The following SLC4A7 variants were observed in gnomAD, a reference collection of about 807,000 sequenced individuals.
The protein encoded by SLC4A7 is solute carrier family 4 member 7.
SLC4A7 carries 51 observed loss-of-function variants against 137.6 expected under a neutral mutation model. The ratio of observed to expected loss-of-function variants is 0.37; its 90% CI spans 0.30 to 0.47. The LOEUF (loss-of-function observed/expected upper bound fraction) is 0.47. Among genes scored for constraint, SLC4A7 ranks in the 20% least tolerant of loss-of-function variants. The pLI, the probability that SLC4A7 is intolerant of heterozygous loss-of-function variation, is 1.00. For synonymous variants in SLC4A7, 542 were observed against 518.6 expected (o/e 1.05, Z -0.61); for missense variants, 1,247 against 1,525.4 (o/e 0.82, Z 3.04).
chr3:27,423,837 T>C (rs952033316), intron 8 of SLC4A7, 200 bp downstream of exon 8: 14 of 498,362 alleles, frequency 2.8e-5, no homozygotes, highest in Non-Finnish European at 4.9e-5. Context: ...TGTAAAGTTA[T>C]TCAAGTACTC....
At chr3:27,479,819 G>C (rs890568800) in intron 1 of SLC4A7, among the ~76,000 whole-genome samples, 8 of 152,154 alleles carry the variant, frequency 5.3e-5, no homozygotes, top group African/African-American at 1.9e-4. Context: ...CAAATCAAAA[G>C]CTATACTGAT....
At position 27,484,166 on chromosome 3, in the gene SLC4A7, C is replaced by G; in HGVS notation, c.-40G>C. On this transcript the variant is annotated 5_prime_UTR_variant, in exon 1 of 26. Transcript: ENST00000454389. ...CCCGTGACGGCCGCTACGGTACTGC[C>G]CCGCGCGGTCTGCCTGCTTCTGCCG... 1 of 1,269,390 alleles carries G rather than the reference C, an allele frequency of 7.9e-7. No homozygotes were observed. Among genetic ancestry groups the G allele is most frequent in the Non-Finnish European group, 9.9e-7 (1 of 1,006,900 alleles). 78.6% of individuals were successfully genotyped at this position (1,269,390 alleles called of 1,614,324 possible).
At chr3:27,450,619 T>C (rs11923299) in intron 2 of SLC4A7, among the ~76,000 whole-genome samples, 2,521 of 152,162 alleles carry the variant, frequency 0.017, 79 homozygotes, top group African/African-American at 0.058. Flanking sequence ...GAAGCCCCAA[T>C]GCACCAAGAT....
intron 1 of SLC4A7, among the ~76,000 whole-genome samples, chr3:27,471,029 T>G (rs1415161965): frequency 6.6e-6 from 1 of 152,166 alleles, no homozygotes; most frequent in Non-Finnish European, 1.5e-5. Flanking sequence ...ATAACATACC[T>G]CTTCACTTGA....
At position 27,401,418 on chromosome 3, in the gene SLC4A7, G is replaced by T. The variant is rs576893376; in HGVS notation, c.2322-549C>A. ...GAAATCAGAGTTCAGTTCATATCCA[G>T]AACTATTTCAACTACCTAAAGCTAG... On this transcript the variant is annotated intron_variant, in intron 15 of 25. Transcript: ENST00000454389. 1.1e-4 allele frequency among the ~76,000 whole-genome samples: 16 copies of T among 152,274 alleles called. No individual in the cohort carries two copies. In the South Asian group the frequency reaches 3.3e-3, roughly 32 times the overall value.
chr3:27,479,314 T>C (rs1345553378), intron 1 of SLC4A7, among the ~76,000 whole-genome samples: 1 of 151,842 alleles, frequency 6.6e-6, no homozygotes, highest in African/African-American at 2.4e-5. Flanking sequence ...CTCAGGAGGC[T>C]GAGGTGGGAG....
chr3:27,462,083 A>AT (rs11450054), intron 1 of SLC4A7, among the ~76,000 whole-genome samples: 33,449 of 152,036 alleles, frequency 0.22, 3,768 homozygotes, highest in Non-Finnish European at 0.25. Context: ...AGCAAAACAA[A>AT]TTTTTTAATG....
intron 18 of SLC4A7, among the ~76,000 whole-genome samples, chr3:27,397,062 C>T (rs1281935546): frequency 2.0e-5 from 3 of 151,978 alleles, no homozygotes; most frequent in African/African-American, 7.2e-5. Flanking sequence ...GAGTTCCCCT[C>T]TTATTGCCCA....
At position 27,431,436 on chromosome 3, in the gene SLC4A7, G is replaced by T; in HGVS notation, c.1012C>A (p.Arg338Ser). The change falls in exon 7 of 26, where the codon CGT (arginine) becomes AGT (serine). Residue 338 changes from arginine to serine, a missense_variant. By Grantham distance (110) the Arg-to-Ser change is moderately radical (BLOSUM62 -1). Transcript: ENST00000454389. ...GAAACCAGTAGTTCTGGGGCCTGAC[G>T]CTGACTCTCTTGGGAACTTCTGGAG... Reference protein sequence around the residue: ...LTSRSSQESQRQAPELLVSPA... With the variant: ...LTSRSSQESQSQAPELLVSPA... 1 of 1,614,066 alleles carries T rather than the reference G, an allele frequency of 6.2e-7. No individual in the cohort carries two copies.
chr3:27,390,629 A>G (rs893317595), intron 21 of SLC4A7, among the ~76,000 whole-genome samples: 3 of 152,316 alleles, frequency 2.0e-5, no homozygotes, highest in African/African-American at 7.2e-5. Context: ...TCATCTCACA[A>G]AACTCTTAAA....
At chr3:27,387,174 T>C (rs1028303693) in intron 22 of SLC4A7, among the ~76,000 whole-genome samples, 16 of 152,204 alleles carry the variant, frequency 1.1e-4, no homozygotes, top group African/African-American at 3.9e-4. Flanking sequence ...GTGAAGTAGA[T>C]GGCAAAGCAA....
chr3:27,481,222 G>C (rs553008329), intron 1 of SLC4A7, among the ~76,000 whole-genome samples: 1 of 151,644 alleles, frequency 6.6e-6, no homozygotes, highest in African/African-American at 2.4e-5. Flanking sequence ...CAATTATGAG[G>C]CTTTATAGCA....
intron 1 of SLC4A7, among the ~76,000 whole-genome samples, chr3:27,482,727 G>A (rs1378194933): frequency 6.6e-6 from 1 of 152,006 alleles, no homozygotes; most frequent in Non-Finnish European, 1.5e-5. Flanking sequence ...AGCCGAGATC[G>A]CACCACTGCA....
chr3:27,444,522 T>G (rs895633475), intron 3 of SLC4A7, among the ~76,000 whole-genome samples: 5 of 152,210 alleles, frequency 3.3e-5, no homozygotes, highest in Non-Finnish European at 7.3e-5. Context: ...GTGTTTCATT[T>G]TGGATAGTTA....
In SLC4A7 at chr3:27,373,602, T is replaced by C. The variant is rs915497002; in HGVS notation, c.*3162A>G. ...CATGTTAAACTGCTGAGCACATTTA[T>C]AGAACTGATGTACATCATATAATCC... On this transcript the variant is annotated 3_prime_UTR_variant, in exon 26 of 26. Coordinates refer to ENST00000454389, the MANE Select transcript of SLC4A7 (RefSeq NM_001321103.2). 1.3e-5 allele frequency: 2 copies of C among 152,184 alleles called. No homozygotes were observed. The highest frequency in any genetic ancestry group is 4.8e-5 in the African/African-American group (2 of 41,478). The allele number at this position is 152,184 out of a possible 1,614,324, so 9.4% of individuals were successfully genotyped here.
rs914278624 is a variant in SLC4A7 at position 27,420,783 on chromosome 3, A to G, written c.1429T>C (p.Leu477=). ...LTEVPVPTRF[L]FLLLGPAGKA... is the part of the protein sequence containing the mutation. ...CCCGCTGGACCCAATAACAAAAACA[A>G]AAACCTAAGGAAATATGAAAATACA... The change falls in exon 10 of 26, where the codon TTG becomes CTG. Residue 477 remains leucine (L), a synonymous_variant. Coordinates refer to ENST00000454389, the MANE Select transcript of SLC4A7 (RefSeq NM_001321103.2). The G allele has an allele frequency of 1.8e-5, 29 of 1,609,776 alleles. No individual in the cohort carries two copies. The highest frequency in any genetic ancestry group is 4.4e-5 in the South Asian group (4 of 90,934).
chr3:27,400,278 C>T (rs1324350201), intron 16 of SLC4A7, among the ~76,000 whole-genome samples: 1 of 152,068 alleles, frequency 6.6e-6, no homozygotes, highest in Admixed American at 6.6e-5. Context: ...CCTTAATGTT[C>T]GACCCAGACT....
intron 18 of SLC4A7, among the ~76,000 whole-genome samples, chr3:27,396,476 A>G (rs1218961550): frequency 6.6e-6 from 1 of 152,104 alleles, no homozygotes; most frequent in Non-Finnish European, 1.5e-5. Flanking sequence ...ATTTATTTAT[A>G]TATTCTCATA....
chr3:27,424,589 C>G (rs890035644), intron 7 of SLC4A7: 2 of 152,590 alleles, frequency 1.3e-5, no homozygotes, highest in Non-Finnish European at 2.9e-5. Context: ...AAGTGTAACT[C>G]AGAAAAAAGC....
Sources: allele counts gnomAD v4.1 joint callset (sites outside exome capture counted in the v4.1 genomes callset), GRCh38; gene constraint gnomAD v4.1.1; transcripts MANE v1.5; gene names NCBI Gene and HGNC (gene_info 2026-07-23, HGNC 2026-07-21).